EEPD1: variants seen among roughly 807,000 people sequenced by gnomAD.
The protein encoded by EEPD1 is endonuclease/exonuclease/phosphatase family domain containing 1, also known as endonuclease/exonuclease/phosphatase family domain-containing protein 1.
EEPD1 carries 17 observed loss-of-function variants against 46.3 expected under a neutral mutation model. The observed-to-expected ratio is 0.37, with a 90% CI of 0.25 to 0.55. The LOEUF (loss-of-function observed/expected upper bound fraction) is 0.55, where lower values mean the gene tolerates loss of function less well. EEPD1 is among the 20% of genes least tolerant of loss of function. The pLI, the probability that EEPD1 is intolerant of heterozygous loss-of-function variation, is 0.83. For missense variants in EEPD1, 673 were observed against 745.6 expected (o/e 0.90, Z 1.13); for synonymous variants, 313 against 315.6 (o/e 0.99, Z 0.09).
intron 2 of EEPD1, among the ~76,000 whole-genome samples, chr7:36,163,069 A>G (rs1784926686): frequency 1.3e-5 from 2 of 151,284 alleles, no homozygotes; most frequent in Non-Finnish European, 2.9e-5. Context: ...ACTTCTCTAG[A>G]GTATATTTTC....
At chr7:36,271,654 T>C (rs1361780814) in intron 3 of EEPD1, among the ~76,000 whole-genome samples, 1 of 146,414 alleles carries the variant, frequency 6.8e-6, no homozygotes, top group Non-Finnish European at 1.5e-5. Flanking sequence ...GTTGCCATTG[T>C]TTTTGGTGTT....
chr7:36,231,435 G>A (rs553742736), intron 2 of EEPD1, among the ~76,000 whole-genome samples: 95 of 152,284 alleles, frequency 6.2e-4, no homozygotes, highest in African/African-American at 2.2e-3. Context: ...GTTCATTGCA[G>A]TTTTCATCTG....
At chr7:36,166,691 A>G (rs533540579) in intron 2 of EEPD1, among the ~76,000 whole-genome samples, 1 of 152,244 alleles carries the variant, frequency 6.6e-6, no homozygotes, top group Non-Finnish European at 1.5e-5. Context: ...ATTTGCATTC[A>G]TTCAAACTGC....
At chr7:36,185,043 A>T (rs1396048777) in intron 2 of EEPD1, among the ~76,000 whole-genome samples, 1 of 152,160 alleles carries the variant, frequency 6.6e-6, no homozygotes, top group Non-Finnish European at 1.5e-5. Flanking sequence ...AAATATAAAG[A>T]ATTAATGATC....
chr7:36,284,404 C>G (rs1039453683), intron 4 of EEPD1, among the ~76,000 whole-genome samples: 3 of 152,180 alleles, frequency 2.0e-5, no homozygotes, highest in African/African-American at 7.2e-5. Flanking sequence ...CTGAAGATAT[C>G]TCTGTGCCTA....
rs899049231 is a variant in EEPD1 at position 36,300,783 on chromosome 7, C to T, written c.*1577C>T. 10 of 152,218 alleles carry T rather than the reference C, an allele frequency of 6.6e-5. No homozygotes were observed. The highest frequency in any genetic ancestry group is 2.4e-4 in the African/African-American group (10 of 41,454). The allele number at this position is 152,218 out of a possible 1,614,324, so 9.4% of individuals were successfully genotyped here. A position where few individuals can be genotyped will look rare whatever the true frequency, so the allele number is the denominator to read the frequency against. On this transcript the variant is annotated 3_prime_UTR_variant, in exon 8 of 8. Coordinates refer to ENST00000242108, the MANE Select transcript of EEPD1 (RefSeq NM_030636.3). ...TTGGGGACGGGAAGGGAACCCTCTTCCAGGAGCTCTAAGGGTACTTGGGAA... is the reference window on the plus strand; with the variant it reads ...TTGGGGACGGGAAGGGAACCCTCTTTCAGGAGCTCTAAGGGTACTTGGGAA...
chr7:36,171,801 C>T (rs75563843), intron 2 of EEPD1, among the ~76,000 whole-genome samples: 2,323 of 152,280 alleles, frequency 0.015, 55 homozygotes, highest in African/African-American at 0.054. Flanking sequence ...TAGTTAGTTT[C>T]AGCCAAGCTT....
chr7:36,287,523 G>C, intron 5 of EEPD1, 116 bp from the exon 6 acceptor site: 3 of 1,458,014 alleles, frequency 2.1e-6, no homozygotes, highest in South Asian at 2.8e-5. Context: ...AGCCAGCCTT[G>C]TTCTTGTTTA....
At chr7:36,192,474 G>A (rs941063549) in intron 2 of EEPD1, among the ~76,000 whole-genome samples, 1 of 151,362 alleles carries the variant, frequency 6.6e-6, no homozygotes, top group African/African-American at 2.4e-5. Context: ...CAGTGACACT[G>A]TCTATTTTTG....
chr7:36,255,380 T>C (rs1466559478), intron 3 of EEPD1, among the ~76,000 whole-genome samples: 1 of 152,192 alleles, frequency 6.6e-6, no homozygotes, highest in Non-Finnish European at 1.5e-5. Flanking sequence ...TCCAACACCA[T>C]TTATTAAATA....
At chr7:36,199,096 A>G (rs1011756750) in intron 2 of EEPD1, among the ~76,000 whole-genome samples, 12 of 152,008 alleles carry the variant, frequency 7.9e-5, no homozygotes, top group African/African-American at 1.2e-4. Flanking sequence ...GCATGCACAC[A>G]TTCTTCCACT....
intron 3 of EEPD1, among the ~76,000 whole-genome samples, chr7:36,259,568 G>A (rs980672288): frequency 6.6e-6 from 1 of 151,758 alleles, no homozygotes; most frequent in Non-Finnish European, 1.5e-5. Context: ...GGAGTGCAGT[G>A]GCCCAATCTC....
At chr7:36,207,911 T>TA (rs1253289188) in intron 2 of EEPD1, among the ~76,000 whole-genome samples, 1 of 122,830 alleles carries the variant, frequency 8.1e-6, no homozygotes, top group Non-Finnish European at 1.7e-5. Flanking sequence ...TTTTTTTTTT[T>TA]AACCTAGACA....
At chr7:36,170,529 A>G (rs1583784621) in intron 2 of EEPD1, among the ~76,000 whole-genome samples, 1 of 150,552 alleles carries the variant, frequency 6.6e-6, no homozygotes, top group Non-Finnish European at 1.5e-5. Context: ...CAGTCATTGC[A>G]GGGACCTGCT....
chr7:36,165,777 G>A (rs976208212), intron 2 of EEPD1, among the ~76,000 whole-genome samples: 6 of 151,684 alleles, frequency 4.0e-5, no homozygotes, highest in African/African-American at 9.7e-5. Flanking sequence ...ATTGTTAAAC[G>A]GTACATGATT....
intron 2 of EEPD1, among the ~76,000 whole-genome samples, chr7:36,198,415 CA>C (rs70977116): frequency 0.65 from 61,212 of 93,526 alleles, 16,776 homozygotes; most frequent in Admixed American, 0.74. Context: ...TTTAATAAAC[CA>C]AAAAAAAAAA....
intron 2 of EEPD1, among the ~76,000 whole-genome samples, chr7:36,200,649 G>C (rs1785696852): frequency 6.6e-6 from 1 of 152,160 alleles, no homozygotes; most frequent in African/African-American, 2.4e-5. Context: ...CCTTTTGGGA[G>C]GTTAACATGG....
intron 2 of EEPD1, among the ~76,000 whole-genome samples, chr7:36,198,342 G>GAAAAAAAAAAAAAAAAAGAAAAA (rs1361024411): frequency 3.0e-5 from 1 of 33,094 alleles, no homozygotes; most frequent in Non-Finnish European, 5.5e-5. Context: ...AAAAAGAAAA[G>GAAAAAAAAAAAAAAAAAGAAAAA]AAAAAAAAAA....
At chr7:36,224,623 G>A (rs892268354) in intron 2 of EEPD1, among the ~76,000 whole-genome samples, 11 of 152,144 alleles carry the variant, frequency 7.2e-5, no homozygotes, top group African/African-American at 9.7e-5. Flanking sequence ...ACAGTAAAAC[G>A]TGAAGAAAGG....
Sources: gnomAD v4.1 joint callset for allele counts (sites outside exome capture counted in the v4.1 genomes callset) on GRCh38, gnomAD v4.1.1 for gene constraint, MANE v1.5 for transcripts, NCBI Gene and HGNC (gene_info 2026-07-23, HGNC 2026-07-21) for gene names.